Variants in RUFY1 observed in about 807,000 individuals in gnomAD.
The protein encoded by RUFY1 is RUN and FYVE domain containing 1, also known as RUN and FYVE domain-containing protein 1.
RUFY1 carries 54 observed loss-of-function variants against 94.6 expected under a neutral mutation model. The observed-to-expected ratio is 0.57, with a 90% confidence interval of 0.46 to 0.72. RUFY1 has a LOEUF of 0.72. RUFY1 is among the 30% of genes least tolerant of loss of function. The probability of loss-of-function intolerance (pLI) is 0.00; values close to 1 mark genes in which losing one functional copy is unlikely to be tolerated. For synonymous variants in RUFY1, 396 were observed against 347.3 expected (o/e 1.14, Z -1.56); for missense variants, 883 against 883.9 (o/e 1.00, Z 0.01).
intron 14 of RUFY1, 29 bp downstream of exon 14, chr5:179,598,850 G>A (rs758182249): frequency 1.2e-6 from 2 of 1,612,758 alleles, no homozygotes; most frequent in Non-Finnish European, 1.7e-6. Flanking sequence ...GGAGAGGAGA[G>A]CCTCTGGCAG....
Position 179,593,557 on chromosome 5 carries a change from C to T in RUFY1, c.1325C>T (p.Thr442Ile), listed in dbSNP as rs368906088. 3.1e-6 allele frequency: 5 copies of T among 1,613,960 alleles called. No homozygotes were observed. Among genetic ancestry groups the T allele is most frequent in the African/African-American group, 2.7e-5 (2 of 74,934 alleles). ...GCAATGAAGTTACTGGAAAAGGACA[C>T]CCACGAGAAGCAGGACACACTAGTT... ...EIAMKLLEKD[T>I]HEKQDTLVAL... The change falls in exon 11 of 18, where the codon ACC becomes ATC. Residue 442 changes from threonine to isoleucine, a missense_variant. Thr to Ile is a moderately conservative substitution (Grantham distance 89). Transcript: ENST00000319449.
intron 13 of RUFY1, among the ~76,000 whole-genome samples, chr5:179,598,070 A>G (rs577005106): frequency 1.3e-5 from 2 of 152,152 alleles, no homozygotes; most frequent in African/African-American, 2.4e-5. Context: ...TGTGCCTGTA[A>G]TCCCAGCTAC....
chr5:179,557,227 G>A lies in RUFY1; in HGVS notation c.311-2798G>A, dbSNP rs557463552. On this transcript the variant is annotated intron_variant, in intron 1 of 17. Coordinates refer to ENST00000319449, the MANE Select transcript of RUFY1 (RefSeq NM_025158.5). ...GTGGATGGCCTGAGGTCAGGAGTTC[G>A]AGACCAGCCTGGCCAACATAGTAAA... Among the ~76,000 whole-genome samples the A allele has an allele frequency of 4.1e-4, 63 of 152,046 alleles. 1 individual carries two copies. Among genetic ancestry groups the A allele is most frequent in the South Asian group, 4.1e-4 (2 of 4,824 alleles).
In RUFY1 at chr5:179,581,005, C is replaced by T; in HGVS notation, c.949C>T (p.His317Tyr). Residue 317 changes from histidine (H) to tyrosine (Y), a missense_variant, in exon 7 of 18, where the codon CAC (histidine) becomes TAC (tyrosine). Physicochemically the swap from His to Tyr is moderately conservative, Grantham distance 83. Coordinates refer to ENST00000319449, the MANE Select transcript of RUFY1 (RefSeq NM_025158.5). Reference protein sequence around the residue: ...QKNYVEELNRHLSCTVGDLQT... With the variant: ...QKNYVEELNRYLSCTVGDLQT... ...AAATTATGTGGAAGAACTTAACCGG[C>T]ACTTGAGGTAAGACTCCTTTTTTTT... is the stretch of plus-strand genomic sequence containing the variant. The T allele has an allele frequency of 1.2e-6, 2 of 1,601,546 alleles. No homozygotes were observed. The highest frequency in any genetic ancestry group is 1.7e-6 in the Non-Finnish European group (2 of 1,170,746).
intron 10 of RUFY1, among the ~76,000 whole-genome samples, chr5:179,592,532 G>C (rs569199619): frequency 6.6e-6 from 1 of 152,148 alleles, no homozygotes; most frequent in African/African-American, 2.4e-5. Context: ...GATTACAGGC[G>C]TGAGCCACTG....
Position 179,591,779 on chromosome 5 carries a change from C to T in RUFY1, c.1245+38C>T, listed in dbSNP as rs1368341598. On this transcript the variant is annotated intron_variant, in intron 10 of 17. Transcript: ENST00000319449. The stretch of plus-strand genomic sequence containing the variant: ...GACCGAGTGTCTTTAGAAAGAGTTT[C>T]CCCGTAGTGTTAATTCTGTCAACAC... 8 of 1,186,730 alleles carry T rather than the reference C, an allele frequency of 6.7e-6. No individual in the cohort carries two copies. The Admixed American group carries it at 1.7e-4, about 25-fold the overall frequency. The allele number at this position is 1,186,730 out of a possible 1,614,324, so 73.5% of individuals were successfully genotyped here.
chr5:179,589,442 T>C, intron 8 of RUFY1, 104 bp from the exon 9 acceptor site: 1 of 729,370 alleles, frequency 1.4e-6, no homozygotes. Flanking sequence ...ATATCAAACC[T>C]GTGAACATAC....
chr5:179,593,697 G>A (rs760577180), intron 11 of RUFY1, 52 bp downstream of exon 11: 2 of 1,582,940 alleles, frequency 1.3e-6, no homozygotes, highest in Admixed American at 1.8e-5. Context: ...CTGCTCGCCA[G>A]TCTTGTGTCA....
intron 5 of RUFY1, among the ~76,000 whole-genome samples, chr5:179,576,123 A>T (rs538001287): frequency 2.6e-5 from 4 of 152,072 alleles, no homozygotes; most frequent in Non-Finnish European, 4.4e-5. Context: ...TCTTTGTTAT[A>T]GTTGCATAGG....
In RUFY1 at chr5:179,609,750, C is replaced by T. The variant is rs556715254; in HGVS notation, c.*231C>T. ...ACTTCCATCTTACTTGGTTACATCACGGCTCTGGTTCAGATACAACTTCAT... is the reference window on the plus strand; with the variant it reads ...ACTTCCATCTTACTTGGTTACATCATGGCTCTGGTTCAGATACAACTTCAT... On this transcript the variant is annotated 3_prime_UTR_variant, in exon 18 of 18. Coordinates refer to ENST00000319449, the MANE Select transcript of RUFY1 (RefSeq NM_025158.5). 1.1e-4 allele frequency: 49 copies of T among 463,518 alleles called. No individual in the cohort carries two copies. Among genetic ancestry groups the T allele is most frequent in the Non-Finnish European group, 1.7e-4 (45 of 262,504 alleles). 28.7% of individuals were successfully genotyped at this position (463,518 alleles called of 1,614,324 possible).
intron 8 of RUFY1, chr5:179,586,206 C>A: frequency 2.3e-6 from 1 of 432,708 alleles, no homozygotes; most frequent in Non-Finnish European, 4.5e-6. Flanking sequence ...GTGTGCCTCC[C>A]TGCTGCCCCA....
chr5:179,596,673 C>G lies in RUFY1; in HGVS notation c.1623C>G (p.His541Gln). ...TGCAGCTGCAGCTCTCCCAGCTGCACGAGCAATGGTAGGGGCCCTGCAGGG... is the reference window on the plus strand; with the variant it reads ...TGCAGCTGCAGCTCTCCCAGCTGCAGGAGCAATGGTAGGGGCCCTGCAGGG... The part of the protein sequence containing the change: ...GALQLQLSQL[H>Q]EQCSSLEKEL... The change falls in exon 13 of 18, where the codon CAC becomes CAG. Residue 541 changes from histidine (H) to glutamine (Q), a missense_variant. Physicochemically the swap from His to Gln is conservative, Grantham distance 24. Transcript: ENST00000319449. The G allele has an allele frequency of 1.2e-6, 2 of 1,600,868 alleles. No homozygotes were observed. The highest frequency in any genetic ancestry group is 2.7e-5 in the African/African-American group (2 of 74,462).
At chr5:179,608,701 G>A (rs746365275) in intron 17 of RUFY1, 243 of 889,296 alleles carry the variant, frequency 2.7e-4, no homozygotes, top group Non-Finnish European at 3.1e-4. Flanking sequence ...GCTGAGGTGG[G>A]TGGATCACGA....
At chr5:179,551,369 A>G (rs1459132322) in intron 1 of RUFY1, among the ~76,000 whole-genome samples, 1 of 152,284 alleles carries the variant, frequency 6.6e-6, no homozygotes, top group Non-Finnish European at 1.5e-5. Flanking sequence ...TGTAATGAAC[A>G]GAGTGCCAGC....
chr5:179,559,837 T>C (rs1581422641), intron 1 of RUFY1, 188 bp from the exon 2 acceptor site: 11 of 1,364,268 alleles, frequency 8.1e-6, no homozygotes, highest in Non-Finnish European at 1.0e-5. Context: ...GCCGTCCAGG[T>C]AGGGGGCTGT....
rs1209164125 is a variant in RUFY1, at chr5:179,562,676, G to C, written c.602+12G>C. The C allele has an allele frequency of 7.6e-6, 10 of 1,312,610 alleles. No homozygotes were observed. The highest frequency in any genetic ancestry group is 1.1e-5 in the Non-Finnish European group (10 of 909,884). The allele number at this position is 1,312,610 out of a possible 1,614,324, so 81.3% of individuals were successfully genotyped here. The stretch of plus-strand genomic sequence containing the variant: ...CTTCCAGAATTAAAGTGAGTGAGAA[G>C]TAGTTCTGCCAATTTGATGATTTTA... On this transcript the variant is annotated intron_variant, in intron 3 of 17. Transcript: ENST00000319449.
intron 5 of RUFY1, among the ~76,000 whole-genome samples, chr5:179,571,026 C>G: frequency 6.6e-6 from 1 of 151,970 alleles, no homozygotes; most frequent in East Asian, 1.9e-4. Context: ...TTTTATGAAA[C>G]CAAACTATGA....
Position 179,550,634 on chromosome 5 carries a change from C to A in RUFY1, c.65C>A (p.Pro22Gln). Residue 22 changes from proline to glutamine, a missense_variant, in exon 1 of 18, where the codon CCG (proline) becomes CAG (glutamine). Transcript: ENST00000319449. ...CGGGAGCTGGAGCCGGAGCTGGAGC[C>A]GGGGCCGGGGCCCGGGTCAGCGCTT... is the stretch of plus-strand genomic sequence containing the variant. ...RGRELEPELEPGPGPGSALEP... is the reference protein window; with the variant it reads ...RGRELEPELEQGPGPGSALEP... 1 of 1,378,750 alleles carries A rather than the reference C, an allele frequency of 7.3e-7. No homozygotes were observed. Among genetic ancestry groups the A allele is most frequent in the Non-Finnish European group, 9.3e-7 (1 of 1,077,132 alleles). 85.4% of individuals were successfully genotyped at this position (1,378,750 alleles called of 1,614,324 possible).
chr5:179,593,727 G>C, intron 11 of RUFY1, 82 bp downstream of exon 11: 1 of 1,529,968 alleles, frequency 6.5e-7, no homozygotes, highest in Non-Finnish European at 8.8e-7. Context: ...CAAAATGAGC[G>C]AGTAGACACA....
Sources: allele counts gnomAD v4.1 joint callset (sites outside exome capture counted in the v4.1 genomes callset), GRCh38; gene constraint gnomAD v4.1.1; transcripts MANE v1.5; gene names NCBI Gene and HGNC (gene_info 2026-07-23, HGNC 2026-07-21).